XXYLT1: variants seen among roughly 807,000 people sequenced by gnomAD.
The protein encoded by XXYLT1 is UDP-xylose:alpha-xyloside alpha-1,3-xylosyltransferase.
Under a neutral mutation model 28.9 loss-of-function variants are expected in XXYLT1, and 20 were observed. The ratio of observed to expected loss-of-function variants is 0.69; its 90% CI spans 0.49 to 1.00. XXYLT1 has a LOEUF of 1.00. Ranked by LOEUF, XXYLT1 falls within the 50% of genes least tolerant of loss-of-function variation. XXYLT1 has a pLI of 0.00. For missense variants in XXYLT1, 542 were observed against 560.1 expected, an observed-to-expected ratio of 0.97 and a Z score of 0.33; for synonymous variants, 257 against 253.8, an observed-to-expected ratio of 1.01 and a Z score of -0.12.
At chr3:195,102,151 AGAAT>A (rs1381415094) in intron 3 of XXYLT1, among the ~76,000 whole-genome samples, 6 of 152,168 alleles carry the variant, frequency 3.9e-5, no homozygotes, top group African/African-American at 1.2e-4. Context: ...CCAACAGAAT[AGAAT>A]GAATGTCTTC....
rs1005372770 is a variant in XXYLT1 at position 195,129,802 on chromosome 3, G to A, written c.785+26647C>T. Reference sequence around the variant, plus strand: ...TCCATTTGCATGTTAGTGTGTGGGCGCATGTTTTCAGTTCTCTCGGGTCTC... The same window carrying A: ...TCCATTTGCATGTTAGTGTGTGGGCACATGTTTTCAGTTCTCTCGGGTCTC... On this transcript the variant is annotated intron_variant, in intron 3 of 3. Coordinates refer to ENST00000310380, the MANE Select transcript of XXYLT1 (RefSeq NM_152531.5). This position sits in a 1 kb window ranked among gnomAD's most constrained non-coding sequence, Gnocchi z 4.4. 7.9e-5 allele frequency among the ~76,000 whole-genome samples: 12 copies of A among 152,106 alleles called. No homozygotes were observed. Among genetic ancestry groups the A allele is most frequent in the South Asian group, 6.2e-4 (3 of 4,814 alleles).
At chr3:195,079,957 G>A (rs575529587) in intron 3 of XXYLT1, among the ~76,000 whole-genome samples, 1 of 152,146 alleles carries the variant, frequency 6.6e-6, no homozygotes, top group African/African-American at 2.4e-5. Context: ...CCTGGCGTGG[G>A]CATCTGATTC....
rs1723280194 is a variant in XXYLT1, at chr3:195,210,847, T to C, written c.652+15862A>G. Among the ~76,000 whole-genome samples, 2 of 152,234 alleles carry C rather than the reference T, an allele frequency of 1.3e-5. No individual in the cohort carries two copies. Among genetic ancestry groups the C allele is most frequent in the Admixed American group, 6.5e-5 (1 of 15,286 alleles). On this transcript the variant is annotated intron_variant, in intron 2 of 3. Coordinates refer to ENST00000310380, the MANE Select transcript of XXYLT1 (RefSeq NM_152531.5). The surrounding 1 kb of genome is among the most constrained non-coding windows in gnomAD (Gnocchi z 4.8). ...TTTCACTCAGGCAAGTTCCTGAATGTCTGTTTTTTCCTTTGCTTTCTTCCA... is the reference window on the plus strand; with the variant it reads ...TTTCACTCAGGCAAGTTCCTGAATGCCTGTTTTTTCCTTTGCTTTCTTCCA...
rs1715218571 is a variant in XXYLT1, at chr3:195,077,980, A to G, written c.786-7869T>C. Among the ~76,000 whole-genome samples, 1 of 152,122 alleles carries G rather than the reference A, an allele frequency of 6.6e-6. No homozygotes were observed. Among genetic ancestry groups the G allele is most frequent in the African/African-American group, 2.4e-5 (1 of 41,426 alleles). ...GGGACTGGGGAACTCACCCTCACTC[A>G]GTCACATGCAGCCCCGGAGCCTCGG... is the stretch of plus-strand genomic sequence containing the variant. On this transcript the variant is annotated intron_variant, in intron 3 of 3. Coordinates refer to ENST00000310380, the MANE Select transcript of XXYLT1 (RefSeq NM_152531.5). The surrounding 1 kb of genome is among the most constrained non-coding windows in gnomAD (Gnocchi z 4.8).
At chr3:195,203,976 G>A (rs760406139) in intron 2 of XXYLT1, among the ~76,000 whole-genome samples, 2 of 152,216 alleles carry the variant, frequency 1.3e-5, no homozygotes, top group African/African-American at 2.4e-5. Flanking sequence ...AGGAGGCGGC[G>A]AGGCAAGTGC....
In XXYLT1 at chr3:195,226,856, C is replaced by T. The variant is rs760676308; in HGVS notation, c.505G>A (p.Val169Ile). Reference sequence around the variant, plus strand: ...AGCACAGCAACATCGTGGAAGATGACCTGCAGCAGGTGCAAAAAAAACCAA... The same window carrying T: ...AGCACAGCAACATCGTGGAAGATGATCTGCAGCAGGTGCAAAAAAAACCAA... ...LPPAAGFKCK[V>I]IFHDVAVLTD... Residue 169 changes from valine to isoleucine, a missense_variant and splice_region_variant, in exon 2 of 4, where the codon GTC becomes ATC. Val to Ile is a conservative substitution (Grantham distance 29, BLOSUM62 3). Coordinates refer to ENST00000310380, the MANE Select transcript of XXYLT1 (RefSeq NM_152531.5). 4.3e-5 allele frequency: 70 copies of T among 1,612,698 alleles called. No homozygotes were observed. Among genetic ancestry groups the T allele is most frequent in the Non-Finnish European group, 5.3e-5 (62 of 1,179,672 alleles).
At chr3:195,251,697 G>A (rs1226132311) in intron 1 of XXYLT1, among the ~76,000 whole-genome samples, 2 of 152,160 alleles carry the variant, frequency 1.3e-5, no homozygotes, top group Non-Finnish European at 2.9e-5. Context: ...TATTTCCAAA[G>A]TTGCCCCCAA....
At chr3:195,097,817 A>AC (rs998361712) in intron 3 of XXYLT1, among the ~76,000 whole-genome samples, 5 of 146,308 alleles carry the variant, frequency 3.4e-5, no homozygotes, top group African/African-American at 7.5e-5. Context: ...AAATGCCCCC[A>AC]CCCCCCCACC....
chr3:195,206,536 C>A (rs924687075), intron 2 of XXYLT1, among the ~76,000 whole-genome samples: 2 of 151,826 alleles, frequency 1.3e-5, no homozygotes, highest in African/African-American at 4.8e-5. Flanking sequence ...TGGGAGGTCG[C>A]GGTGGGAGGA....
chr3:195,250,366 T>C (rs573812637), intron 1 of XXYLT1, among the ~76,000 whole-genome samples: 4 of 152,082 alleles, frequency 2.6e-5, no homozygotes, highest in Non-Finnish European at 4.4e-5. Flanking sequence ...AGTTTGAGAC[T>C]AGCCTGGCCA....
At chr3:195,072,733 C>T (rs993508399) in intron 3 of XXYLT1, among the ~76,000 whole-genome samples, 2 of 152,186 alleles carry the variant, frequency 1.3e-5, no homozygotes, top group Non-Finnish European at 2.9e-5. Flanking sequence ...ACTGTCCCCA[C>T]CCAAAGCGAT....
intron 1 of XXYLT1, among the ~76,000 whole-genome samples, chr3:195,239,556 G>T (rs554959814): frequency 6.6e-6 from 1 of 152,188 alleles, no homozygotes; most frequent in African/African-American, 2.4e-5. Flanking sequence ...TGGAATATAT[G>T]ATTTTTAGGA....
At chr3:195,125,817 C>A (rs1248151774) in intron 3 of XXYLT1, among the ~76,000 whole-genome samples, 1 of 152,198 alleles carries the variant, frequency 6.6e-6, no homozygotes, top group Admixed American at 6.5e-5. Context: ...TTGGCAGAGA[C>A]CTGCGTGAGG....
chr3:195,120,762 C>A (rs1462472428), intron 3 of XXYLT1, among the ~76,000 whole-genome samples: 1 of 152,222 alleles, frequency 6.6e-6, no homozygotes, highest in African/African-American at 2.4e-5. Flanking sequence ...ACCGACTCTG[C>A]GGGGTCCCGG....
At chr3:195,155,111 A>G (rs1418052577) in intron 3 of XXYLT1, among the ~76,000 whole-genome samples, 1 of 152,174 alleles carries the variant, frequency 6.6e-6, no homozygotes, top group East Asian at 1.9e-4. Flanking sequence ...TAAGGGAGAA[A>G]AGTCCACACG....
Position 195,237,702 on chromosome 3 carries a change from T to C in XXYLT1, c.505-10846A>G, listed in dbSNP as rs1186450479. 4.6e-5 allele frequency among the ~76,000 whole-genome samples: 7 copies of C among 152,276 alleles called. No homozygotes were observed. In the East Asian group the frequency reaches 7.7e-4, roughly 17 times the overall value. ...TCCTCATTCCCTAAAACTTGTTTTA[T>C]GTAACACTTTAAATCTTCTGCCTCA... On this transcript the variant is annotated intron_variant, in intron 1 of 3. Transcript: ENST00000310380.
At chr3:195,096,437 G>C (rs1002402272) in intron 3 of XXYLT1, among the ~76,000 whole-genome samples, 3 of 152,160 alleles carry the variant, frequency 2.0e-5, no homozygotes, top group Non-Finnish European at 4.4e-5. Flanking sequence ...CCATGCCCAT[G>C]TGCACTTACA....
At chr3:195,140,916 G>A (rs765137821) in intron 3 of XXYLT1, among the ~76,000 whole-genome samples, 3 of 152,120 alleles carry the variant, frequency 2.0e-5, no homozygotes, top group Non-Finnish European at 4.4e-5. Context: ...GGGATTTGGG[G>A]GAGTTATTAG....
chr3:195,137,064 A>T (rs1360570411), intron 3 of XXYLT1, among the ~76,000 whole-genome samples: 2 of 152,126 alleles, frequency 1.3e-5, no homozygotes, highest in Non-Finnish European at 2.9e-5. Context: ...GCAGGCAGCC[A>T]ATGGGATCCT....
Sources: allele counts gnomAD v4.1 joint callset (sites outside exome capture counted in the v4.1 genomes callset), GRCh38; gene constraint gnomAD v4.1.1; non-coding constraint Gnocchi (gnomAD v3.1); transcripts MANE v1.5; gene names NCBI Gene and HGNC (gene_info 2026-07-23, HGNC 2026-07-21).